Variants in ARHGEF11 observed in about 807,000 individuals in gnomAD.
ARHGEF11 encodes Rho guanine exchange factor (GEF) 11.
A neutral mutation model predicts 193.7 loss-of-function variants in ARHGEF11; 55 were observed. The observed-to-expected ratio is 0.28, with a 90% CI of 0.23 to 0.36. The LOEUF is 0.36. ARHGEF11 is among the 10% of genes least tolerant of loss of function. The pLI, the probability that ARHGEF11 is intolerant of heterozygous loss-of-function variation, is 1.00. For missense variants in ARHGEF11, 1,723 were observed against 2,005.6 expected (o/e 0.86, Z 2.69); for synonymous variants, 693 against 768.0 (o/e 0.90, Z 1.62).
intron 1 of ARHGEF11, among the ~76,000 whole-genome samples, chr1:157,023,765 CAAAA>C (rs34617659): frequency 8.0e-6 from 1 of 124,544 alleles, no homozygotes. Context: ...GACTCCATCT[CAAAA>C]AAAAAAAAAA....
intron 1 of ARHGEF11, among the ~76,000 whole-genome samples, chr1:156,990,161 C>A (rs1571385368): frequency 6.6e-6 from 1 of 152,336 alleles, no homozygotes; most frequent in East Asian, 1.9e-4. Context: ...ACTCTCCCTA[C>A]TTTTCTTGGT....
Position 156,948,364 on chromosome 1 carries a change from C to T in ARHGEF11, c.2060G>A (p.Arg687His), listed in dbSNP as rs773549450. The change falls in exon 23 of 41, where the codon CGC becomes CAC. Residue 687 changes from arginine to histidine, a missense_variant. Coordinates refer to ENST00000368194, the MANE Select transcript of ARHGEF11 (RefSeq NM_198236.3). The surrounding 1 kb of genome is among the most constrained non-coding windows in gnomAD (Gnocchi z 4.2). ...VDMDAAAEATRLHQSASSSTS... is the reference protein window; with the variant it reads ...VDMDAAAEATHLHQSASSSTS... ...AGAGGACGAGGCTGACTGGTGCAGG[C>T]GAGTAGCCTCCGCAGCAGCATCCAT... 2.0e-5 allele frequency: 33 copies of T among 1,614,090 alleles called. No individual in the cohort carries two copies. Among genetic ancestry groups the T allele is most frequent in the Admixed American group, 1.0e-4 (6 of 60,008 alleles).
intron 1 of ARHGEF11, among the ~76,000 whole-genome samples, chr1:156,996,616 AC>A (rs1666528109): frequency 6.6e-6 from 1 of 151,698 alleles, no homozygotes; most frequent in African/African-American, 2.4e-5. Flanking sequence ...TACTAAAAAT[AC>A]AAAAAATTAG....
At chr1:157,018,075 ATAC>A (rs1465294458) in intron 1 of ARHGEF11, among the ~76,000 whole-genome samples, 6 of 152,220 alleles carry the variant, frequency 3.9e-5, no homozygotes, top group African/African-American at 7.2e-5. Flanking sequence ...TGATAATTAA[ATAC>A]TACCAGTTAA....
chr1:156,936,424 G>A (rs570543538), intron 40 of ARHGEF11, among the ~76,000 whole-genome samples: 2 of 143,506 alleles, frequency 1.4e-5, no homozygotes, highest in South Asian at 2.3e-4. Flanking sequence ...TTCGGCCCAG[G>A]AGTTTGAGAC....
intron 35 of ARHGEF11, among the ~76,000 whole-genome samples, chr1:156,941,027 T>C (rs935262808): frequency 3.3e-5 from 5 of 152,198 alleles, no homozygotes; most frequent in African/African-American, 1.2e-4. Context: ...ATTCTCATTG[T>C]TGCAGCATGT....
Position 156,948,551 on chromosome 1 carries a change from T to C in ARHGEF11, c.1926-53A>G. 1 of 1,613,922 alleles carries C rather than the reference T, an allele frequency of 6.2e-7. No homozygotes were observed. Among genetic ancestry groups the C allele is most frequent in the East Asian group, 2.2e-5 (1 of 44,888 alleles). Reference sequence around the variant, plus strand: ...GACTTGGGAAGTCAGTGGGCCATGCTTACATCCTGGCTAACTCTTACCTGT... The same window carrying C: ...GACTTGGGAAGTCAGTGGGCCATGCCTACATCCTGGCTAACTCTTACCTGT... On this transcript the variant is annotated intron_variant, in intron 22 of 40. Transcript: ENST00000368194. The surrounding 1 kb of genome is among the most constrained non-coding windows in gnomAD (Gnocchi z 4.2).
chr1:157,008,937 G>A (rs1668224222), intron 1 of ARHGEF11, among the ~76,000 whole-genome samples: 1 of 152,182 alleles, frequency 6.6e-6, no homozygotes, highest in African/African-American at 2.4e-5. Context: ...GAAACAAAAG[G>A]CAAGGCATGG....
At chr1:157,015,445 A>G (rs1027937173) in intron 1 of ARHGEF11, among the ~76,000 whole-genome samples, 9 of 152,206 alleles carry the variant, frequency 5.9e-5, no homozygotes, top group Non-Finnish European at 7.3e-5. Flanking sequence ...GTATTTATCA[A>G]ACAAACAAGC....
chr1:156,939,593 C>T lies in ARHGEF11; in HGVS notation c.4051G>A (p.Ala1351Thr), dbSNP rs201769707. Reference protein sequence around the residue: ...PELDRNLAEDASSTEAAGGYK... With the variant: ...PELDRNLAEDTSSTEAAGGYK... ...CCTCCTGCTGCCTCTGTGCTTGAAG[C>T]ATCTTCAGCCAGATTCCTGTCCAGT... The change falls in exon 37 of 41, where the codon GCT (alanine) becomes ACT (threonine). Residue 1351 changes from alanine (A) to threonine (T), a missense_variant. By Grantham distance (58) the Ala-to-Thr change is moderately conservative. Around this residue, in one of 5 missense-constraint regions of ARHGEF11, gnomAD observed 360 missense variants for 344.4 expected, o/e 1.05. Transcript: ENST00000368194. 1.9e-6 allele frequency: 3 copies of T among 1,613,224 alleles called. No homozygotes were observed. Among genetic ancestry groups the T allele is most frequent in the Non-Finnish European group, 2.5e-6 (3 of 1,180,018 alleles).
At chr1:156,963,355 C>A (rs187380679) in intron 12 of ARHGEF11, 51 bp from the exon 13 acceptor site, 1 of 1,555,080 alleles carries the variant, frequency 6.4e-7, no homozygotes. Context: ...AGCAGCACAG[C>A]GGGTTCCAGC....
intron 1 of ARHGEF11, among the ~76,000 whole-genome samples, chr1:157,026,496 A>T (rs1214878811): frequency 6.6e-6 from 1 of 152,234 alleles, no homozygotes; most frequent in Admixed American, 6.5e-5. Flanking sequence ...CCAGATGATT[A>T]TAATAGAGAA....
chr1:156,957,983 A>G (rs990914530), intron 17 of ARHGEF11, among the ~76,000 whole-genome samples, 168 bp from the exon 18 acceptor site: 1 of 152,250 alleles, frequency 6.6e-6, no homozygotes, highest in Non-Finnish European at 1.5e-5. Context: ...CAGGAACTCC[A>G]TAAATATTTG....
chr1:156,971,440 A>AT (rs1206685471), intron 8 of ARHGEF11, among the ~76,000 whole-genome samples: 1 of 152,208 alleles, frequency 6.6e-6, no homozygotes, highest in East Asian at 1.9e-4. Context: ...TGTTTATTTC[A>AT]TATTTCTTTC....
intron 13 of ARHGEF11, among the ~76,000 whole-genome samples, chr1:156,962,905 A>C (rs1040782900): frequency 1.3e-5 from 2 of 151,094 alleles, no homozygotes; most frequent in Non-Finnish European, 3.0e-5. Context: ...AAAAAAAAAA[A>C]AAACTCTAGG....
rs1663521247 is a variant in ARHGEF11 at position 156,978,086 on chromosome 1, G to A, written c.510+118C>T. 3.5e-6 allele frequency: 5 copies of A among 1,432,712 alleles called. No individual in the cohort carries two copies. The Admixed American group carries it at 1.2e-4, about 33-fold the overall frequency. The allele number at this position is 1,432,712 out of a possible 1,614,324, so 88.7% of individuals were successfully genotyped here. Reference sequence around the variant, plus strand: ...CAACTCTTTCAATGGTCTTTCATATGTCTTTTGGCTTGTCTCTGTTTACCA... The same window carrying A: ...CAACTCTTTCAATGGTCTTTCATATATCTTTTGGCTTGTCTCTGTTTACCA... On this transcript the variant is annotated intron_variant, in intron 6 of 40. Transcript: ENST00000368194.
chr1:156,954,101 C>T (rs1018658820), intron 21 of ARHGEF11, among the ~76,000 whole-genome samples: 2 of 151,770 alleles, frequency 1.3e-5, no homozygotes, highest in African/African-American at 2.4e-5. Context: ...AGGCACTGAC[C>T]GGGCGCAGTG....
chr1:156,941,961 G>A lies in ARHGEF11; in HGVS notation c.3355C>T (p.Arg1119Trp), dbSNP rs1052112229. ...TWMELLEEAV[R>W]NATRHPGAAP... ...GCTCCGGGGTGCCTGGTGGCATTCC[G>A]CACGGCCTCTTCTAAGAGCTCCATC... The change falls in exon 34 of 41, where the codon CGG becomes TGG. Residue 1119 changes from arginine to tryptophan, a missense_variant. Arg to Trp is a moderately radical substitution (Grantham distance 101, BLOSUM62 -3). Transcript: ENST00000368194. 14 of 1,613,980 alleles carry A rather than the reference G, an allele frequency of 8.7e-6. No individual in the cohort carries two copies. Among genetic ancestry groups the A allele is most frequent in the South Asian group, 4.4e-5 (4 of 91,080 alleles).
rs552814369 is a variant in ARHGEF11 at position 156,952,849 on chromosome 1, C to A, written c.1799-1150G>T. The stretch of plus-strand genomic sequence containing the variant: ...TTAAGAGCAGATCTGCCTGTCCCAG[C>A]CTGAACGTGCATCTGGGCCTTGAAG... On this transcript the variant is annotated intron_variant, in intron 21 of 40. Coordinates refer to ENST00000368194, the MANE Select transcript of ARHGEF11 (RefSeq NM_198236.3). Among the ~76,000 whole-genome samples, 69 of 152,358 alleles carry A rather than the reference C, an allele frequency of 4.5e-4. 2 individuals carry two copies. The South Asian group carries it at 7.5e-3, about 16-fold the overall frequency.
Sources: gnomAD v4.1 joint callset for allele counts (sites outside exome capture counted in the v4.1 genomes callset) on GRCh38, gnomAD v4.1.1 for gene constraint, gnomAD v4.1.1 regional missense constraint, Gnocchi (gnomAD v3.1) non-coding constraint, MANE v1.5 for transcripts, NCBI Gene and HGNC (gene_info 2026-07-23, HGNC 2026-07-21) for gene names.